PCDH9: variants seen among roughly 807,000 people sequenced by gnomAD.
PCDH9 encodes protocadherin-9.
Under a neutral mutation model 70.6 loss-of-function variants are expected in PCDH9, and 24 were observed. The ratio of observed to expected loss-of-function variants is 0.34; its 90% CI spans 0.25 to 0.48. PCDH9 has a LOEUF of 0.48. Ranked by LOEUF, PCDH9 falls within the 20% of genes least tolerant of loss-of-function variation. The pLI is 0.99. For synonymous variants in PCDH9, 562 were observed against 558.5 expected, an observed-to-expected ratio of 1.01 and a Z score of -0.09; for missense variants, 1,281 against 1,503.6, an observed-to-expected ratio of 0.85 and a Z score of 2.45.
intron 4 of PCDH9, among the ~76,000 whole-genome samples, chr13:66,419,002 A>G (rs1470153160): frequency 6.6e-6 from 1 of 152,178 alleles, no homozygotes; most frequent in Admixed American, 6.5e-5. Context: ...AAATGGATAT[A>G]TTCCTAGACA....
chr13:66,415,753 C>A (rs926749838), intron 4 of PCDH9, among the ~76,000 whole-genome samples: 3 of 150,690 alleles, frequency 2.0e-5, no homozygotes, highest in Non-Finnish European at 4.5e-5. Context: ...AGAAAAAAAT[C>A]ATAGGAAAAA....
At chr13:66,848,674 A>G (rs998410983) in intron 3 of PCDH9, among the ~76,000 whole-genome samples, 1 of 152,130 alleles carries the variant, frequency 6.6e-6, no homozygotes, top group Non-Finnish European at 1.5e-5. Flanking sequence ...TACACCTGTA[A>G]TCCCAGCACT....
intron 3 of PCDH9, among the ~76,000 whole-genome samples, chr13:66,748,431 C>T (rs2079406425): frequency 6.6e-6 from 1 of 152,208 alleles, no homozygotes; most frequent in Non-Finnish European, 1.5e-5. Flanking sequence ...ATTTTTCCTA[C>T]TCTGAAACAC....
At chr13:67,019,441 C>T (rs983184686) in intron 2 of PCDH9, among the ~76,000 whole-genome samples, 2 of 151,866 alleles carry the variant, frequency 1.3e-5, no homozygotes, top group African/African-American at 4.8e-5. Context: ...ATGATCCTCC[C>T]GCCTCAGCCT....
chr13:66,308,459 G>A (rs1269988755), intron 4 of PCDH9, among the ~76,000 whole-genome samples: 1 of 152,006 alleles, frequency 6.6e-6, no homozygotes, highest in East Asian at 1.9e-4. Context: ...ATAACTGGTT[G>A]CTGTATAAAT....
chr13:66,623,486 T>G (rs1358723392), intron 4 of PCDH9, among the ~76,000 whole-genome samples: 4 of 152,200 alleles, frequency 2.6e-5, no homozygotes, highest in Non-Finnish European at 5.9e-5. Context: ...TCACCTGGGC[T>G]GGAGTGCCTG....
intron 3 of PCDH9, among the ~76,000 whole-genome samples, chr13:66,856,303 G>A (rs1304354290): frequency 6.6e-6 from 1 of 151,978 alleles, no homozygotes. Context: ...GGGGCTATGA[G>A]AAAGTTGCAG....
chr13:66,716,749 G>C (rs113045211), intron 3 of PCDH9, among the ~76,000 whole-genome samples: 40 of 152,140 alleles, frequency 2.6e-4, no homozygotes, highest in African/African-American at 7.9e-4. Context: ...TCTTCTTTCA[G>C]ATATGCTCAT....
At chr13:66,420,365 G>T (rs1293904930) in intron 4 of PCDH9, among the ~76,000 whole-genome samples, 2 of 152,198 alleles carry the variant, frequency 1.3e-5, no homozygotes, top group Non-Finnish European at 2.9e-5. Flanking sequence ...TGACCCCTGT[G>T]CCTCATGATG....
At chr13:66,914,697 T>G (rs563158786) in intron 2 of PCDH9, among the ~76,000 whole-genome samples, 1 of 152,006 alleles carries the variant, frequency 6.6e-6, no homozygotes, top group East Asian at 1.9e-4. Flanking sequence ...CATACATGCA[T>G]TCATTCATTC....
chr13:67,077,019 T>G (rs1489037139), intron 2 of PCDH9, among the ~76,000 whole-genome samples: 1 of 152,220 alleles, frequency 6.6e-6, no homozygotes, highest in Non-Finnish European at 1.5e-5. Context: ...GAAAGAATTT[T>G]GCATAAGGTT....
At chr13:66,489,367 T>G (rs1372798980) in intron 4 of PCDH9, among the ~76,000 whole-genome samples, 1 of 152,062 alleles carries the variant, frequency 6.6e-6, no homozygotes, top group Non-Finnish European at 1.5e-5. Flanking sequence ...CAGGCTGGAG[T>G]GCAGTAGATT....
intron 3 of PCDH9, among the ~76,000 whole-genome samples, chr13:66,774,019 C>T (rs1413418046): frequency 6.6e-6 from 1 of 152,022 alleles, no homozygotes; most frequent in African/African-American, 2.4e-5. Flanking sequence ...CTCAGGTTAT[C>T]CACCTGCCTC....
At chr13:66,763,762 G>C (rs2079665365) in intron 3 of PCDH9, among the ~76,000 whole-genome samples, 1 of 151,906 alleles carries the variant, frequency 6.6e-6, no homozygotes, top group South Asian at 2.1e-4. Flanking sequence ...TTTTTTAATA[G>C]TATACCTTCA....
intron 3 of PCDH9, among the ~76,000 whole-genome samples, chr13:66,860,598 G>C (rs573730441): frequency 3.9e-5 from 6 of 152,224 alleles, no homozygotes; most frequent in Non-Finnish European, 8.8e-5. Context: ...TGAAGGTCTT[G>C]CTATCTAAAG....
At chr13:66,770,202 G>A (rs1043919969) in intron 3 of PCDH9, among the ~76,000 whole-genome samples, 14 of 152,092 alleles carry the variant, frequency 9.2e-5, no homozygotes, top group Admixed American at 7.9e-4. Flanking sequence ...TAGGCAAATA[G>A]ATCAGCTTAA....
chr13:66,733,389 G>A (rs2079102007), intron 3 of PCDH9, among the ~76,000 whole-genome samples: 1 of 152,032 alleles, frequency 6.6e-6, no homozygotes, highest in African/African-American at 2.4e-5. Context: ...TAATTATTTA[G>A]ATCACCTTCC....
chr13:67,019,188 CTT>C (rs60154161), intron 2 of PCDH9, among the ~76,000 whole-genome samples: 5 of 102,714 alleles, frequency 4.9e-5, no homozygotes, highest in South Asian at 3.9e-4. Context: ...GGCAGTTGCT[CTT>C]TTTTTTTTTT....
intron 3 of PCDH9, among the ~76,000 whole-genome samples, chr13:66,875,907 TG>T (rs2081798521): frequency 2.0e-5 from 3 of 152,210 alleles, no homozygotes; most frequent in Non-Finnish European, 2.9e-5. Context: ...TCAGGCAGCC[TG>T]TCATGTCCTG....
Sources: gnomAD v4.1 joint callset for allele counts (sites outside exome capture counted in the v4.1 genomes callset) on GRCh38, gnomAD v4.1.1 for gene constraint, MANE v1.5 for transcripts, NCBI Gene and HGNC (gene_info 2026-07-23, HGNC 2026-07-21) for gene names.